Variants in PCMTD2 observed in about 807,000 individuals in gnomAD.
The protein encoded by PCMTD2 is protein-L-isoaspartate O-methyltransferase domain-containing protein 2.
A neutral mutation model predicts 33.4 loss-of-function variants in PCMTD2; 16 were observed. The observed-to-expected ratio is 0.48, with a 90% CI of 0.32 to 0.73. The LOEUF (loss-of-function observed/expected upper bound fraction) is 0.73, where lower values mean the gene tolerates loss of function less well. Ranked by LOEUF, PCMTD2 falls within the 30% of genes least tolerant of loss-of-function variation. The pLI is 0.03. For synonymous variants in PCMTD2, 161 were observed against 160.8 expected (o/e 1.00, Z -0.01); for missense variants, 374 against 449.9 (o/e 0.83, Z 1.53).
rs10585176 is a variant in PCMTD2 at position 64,260,706 on chromosome 20, G to GTTTTTTTTTTTTTTT, written c.307+441_307+455dup. 2.6e-5 allele frequency among the ~76,000 whole-genome samples: 3 copies of GTTTTTTTTTTTTTTT among 117,606 alleles called. 1 individual carries two copies. The allele number at this position is 117,606 out of a possible 152,430, so 77.2% of individuals were successfully genotyped here. A position where few individuals can be genotyped will look rare whatever the true frequency, so the allele number is the denominator to read the frequency against. On this transcript the variant is annotated intron_variant, in intron 2 of 5. Coordinates refer to ENST00000308824, the MANE Select transcript of PCMTD2 (RefSeq NM_018257.3). ...CTTCTAAGCAGTTTTTGTTTTGTTG[G>GTTTTTTTTTTTTTTT]TTTTTTTTTTTTTTTTTTTTTGACA...
intron 5 of PCMTD2, among the ~76,000 whole-genome samples, chr20:64,272,392 C>G (rs1050630256): frequency 8.5e-5 from 13 of 152,310 alleles, no homozygotes; most frequent in African/African-American, 2.6e-4. Flanking sequence ...CTTTAATTGT[C>G]AAATGTTCTT....
intron 4 of PCMTD2, among the ~76,000 whole-genome samples, chr20:64,266,775 C>T (rs1440876701): frequency 1.3e-5 from 2 of 152,178 alleles, no homozygotes; most frequent in African/African-American, 4.8e-5. Flanking sequence ...ATTGTATCAT[C>T]TCGATAATTT....
chr20:64,265,547 G>GGCAGGGACAGGTGAGGGAGAT, intron 4 of PCMTD2, 118 bp downstream of exon 4: 2 of 823,802 alleles, frequency 2.4e-6, no homozygotes, highest in Non-Finnish European at 3.7e-6. Flanking sequence ...AGGAAACAGA[G>GGCAGGGACAGGTGAGGGAGAT]GCAGGGACAG....
intron 5 of PCMTD2, 84 bp downstream of exon 5, chr20:64,268,094 A>G: frequency 9.9e-7 from 1 of 1,008,752 alleles, no homozygotes; most frequent in Admixed American, 2.7e-5. Flanking sequence ...ATTTACAACA[A>G]ACCTTTTGAT....
intron 5 of PCMTD2, among the ~76,000 whole-genome samples, chr20:64,270,206 G>A (rs1985850208): frequency 6.8e-6 from 1 of 146,020 alleles, no homozygotes; most frequent in African/African-American, 2.5e-5. Flanking sequence ...CGTGAGTGCG[G>A]GCGTGCGTGG....
chr20:64,261,262 T>A (rs1985404638), intron 2 of PCMTD2, among the ~76,000 whole-genome samples: 1 of 152,194 alleles, frequency 6.6e-6, no homozygotes, highest in African/African-American at 2.4e-5. Flanking sequence ...GGAGCTGATC[T>A]GTAAACAGGA....
Position 64,273,326 on chromosome 20 carries a change from T to C in PCMTD2, c.812T>C (p.Leu271Pro), listed in dbSNP as rs1245980172. 1.2e-6 allele frequency: 2 copies of C among 1,614,154 alleles called. No homozygotes were observed. The highest frequency in any genetic ancestry group is 1.7e-6 in the Non-Finnish European group (2 of 1,179,994). ...QETVSKNGNGLKNTPRFKRRR... is the reference protein window; with the variant it reads ...QETVSKNGNGPKNTPRFKRRR... ...ACTGTGAGCAAAAACGGAAACGGAC[T>C]AAAGAACACCCCCAGGTTTAAACGA... Residue 271 changes from leucine (L) to proline (P), a missense_variant, in exon 6 of 6, where the codon CTA (leucine) becomes CCA (proline). Transcript: ENST00000308824.
At chr20:64,272,052 C>G in intron 5 of PCMTD2, 1 of 376,570 alleles carries the variant, frequency 2.7e-6, no homozygotes, top group Non-Finnish European at 5.3e-6. Context: ...AAGGAAGTGC[C>G]GGAGCCTGTC....
At chr20:64,265,818 A>G (rs144526067) in intron 4 of PCMTD2, among the ~76,000 whole-genome samples, 1 of 152,184 alleles carries the variant, frequency 6.6e-6, no homozygotes, top group African/African-American at 2.4e-5. Flanking sequence ...GAGTCATTCT[A>G]TTCTCATCAT....
Position 64,275,939 on chromosome 20 carries a change from G to A in PCMTD2, c.*2339G>A, listed in dbSNP as rs2145773252. 6.6e-6 allele frequency: 1 copy of A among 152,224 alleles called. No homozygotes were observed. The highest frequency in any genetic ancestry group is 6.5e-5 in the Admixed American group (1 of 15,300). The allele number at this position is 152,224 out of a possible 1,614,324, so 9.4% of individuals were successfully genotyped here. ...ATACTTTTTACCAGTCTGGAACTTG[G>A]GAAAATCCAGGGAATTTGAAACATA... On this transcript the variant is annotated 3_prime_UTR_variant, in exon 6 of 6. Transcript: ENST00000308824.
At position 64,260,267 on chromosome 20, in the gene PCMTD2, T is replaced by G. The variant is rs1348010588; in HGVS notation, c.302T>G (p.Ile101Ser). ...TGYLSSMVGL[I>S]LGPFGVNHGV... ...TATCTCAGCTCCATGGTGGGCCTCA[T>G]TCTAGGTAAGTGTGGAAGGAGAGTC... is the stretch of plus-strand genomic sequence containing the variant. The change falls in exon 2 of 6, where the codon ATT becomes AGT. Residue 101 changes from isoleucine (I) to serine (S), a missense_variant. Physicochemically the swap from Ile to Ser is moderately radical, Grantham distance 142. Transcript: ENST00000308824. 6.2e-7 allele frequency: 1 copy of G among 1,605,678 alleles called. No homozygotes were observed. The highest frequency in any genetic ancestry group is 8.5e-7 in the Non-Finnish European group (1 of 1,172,620).
intron 1 of PCMTD2, among the ~76,000 whole-genome samples, chr20:64,257,952 A>G (rs1985238360): frequency 6.6e-6 from 1 of 152,256 alleles, no homozygotes; most frequent in South Asian, 2.1e-4. Context: ...ACCTGGAAAA[A>G]GGTGCTTGTT....
intron 1 of PCMTD2, chr20:64,258,807 A>G (rs761912577): frequency 2.0e-5 from 3 of 152,196 alleles, no homozygotes; most frequent in African/African-American, 4.8e-5. Context: ...TTCCCTGACA[A>G]TTTGTATCTG....
intron 5 of PCMTD2, among the ~76,000 whole-genome samples, chr20:64,270,612 G>T (rs1985875775): frequency 6.6e-6 from 1 of 152,178 alleles, no homozygotes; most frequent in African/African-American, 2.4e-5. Flanking sequence ...CTTTCAGATT[G>T]AATGGAAGCA....
chr20:64,259,828 GAT>G, intron 1 of PCMTD2, 112 bp from the exon 2 acceptor site: 6 of 604,480 alleles, frequency 9.9e-6, no homozygotes, highest in Non-Finnish European at 1.7e-5. Context: ...GTTGACAAAA[GAT>G]AATCTATTAT....
Position 64,273,606 on chromosome 20 carries a change from C to T in PCMTD2, c.*6C>T. ...TTTATTACAGAGAAAAATAAGTCTC[C>T]TGTTTGAAAGGGGGAAATAGGAAGA... On this transcript the variant is annotated 3_prime_UTR_variant, in exon 6 of 6. Coordinates refer to ENST00000308824, the MANE Select transcript of PCMTD2 (RefSeq NM_018257.3). The T allele has an allele frequency of 6.6e-7, 1 of 1,514,380 alleles. No individual in the cohort carries two copies. Among genetic ancestry groups the T allele is most frequent in the Non-Finnish European group, 8.8e-7 (1 of 1,134,520 alleles). The allele number at this position is 1,514,380 out of a possible 1,614,324, so 93.8% of individuals were successfully genotyped here. A position where few individuals can be genotyped will look rare whatever the true frequency, so the allele number is the denominator to read the frequency against.
At chr20:64,261,380 G>A (rs1985408264) in intron 2 of PCMTD2, among the ~76,000 whole-genome samples, 1 of 152,162 alleles carries the variant, frequency 6.6e-6, no homozygotes, top group African/African-American at 2.4e-5. Context: ...GAACTGACAG[G>A]ATTTACGGGT....
chr20:64,262,578 G>A (rs1294458189), intron 2 of PCMTD2: 1 of 152,300 alleles, frequency 6.6e-6, no homozygotes, highest in Non-Finnish European at 1.5e-5. Flanking sequence ...GAGCACTCCA[G>A]AGTGAAACCT....
At chr20:64,270,527 G>C (rs907118367) in intron 5 of PCMTD2, among the ~76,000 whole-genome samples, 1 of 152,102 alleles carries the variant, frequency 6.6e-6, no homozygotes, top group Non-Finnish European at 1.5e-5. Flanking sequence ...ACGATGTGGG[G>C]TCTTGTGAGT....
Sources: gnomAD v4.1 joint callset for allele counts (sites outside exome capture counted in the v4.1 genomes callset) on GRCh38, gnomAD v4.1.1 for gene constraint, MANE v1.5 for transcripts, NCBI Gene and HGNC (gene_info 2026-07-23, HGNC 2026-07-21) for gene names.